ERC2: variants seen among roughly 807,000 people sequenced by gnomAD.
ERC2 encodes ELKS/RAB6-interacting/CAST family member 2, also known as ERC protein 2.
In ERC2, 42 loss-of-function variants were observed where a neutral mutation model predicts 114.8. The ratio of observed to expected loss-of-function variants is 0.37; its 90% confidence interval spans 0.29 to 0.47. The LOEUF (loss-of-function observed/expected upper bound fraction) is 0.47, where lower values mean the gene tolerates loss of function less well. ERC2 is among the 20% of genes least tolerant of loss of function. ERC2 has a pLI of 0.99. For missense variants in ERC2, 939 were observed against 1,150.7 expected (o/e 0.82, Z 2.66); for synonymous variants, 454 against 425.5 (o/e 1.07, Z -0.82).
chr3:55,582,101 T>C (rs2057291364), intron 17 of ERC2, among the ~76,000 whole-genome samples: 1 of 152,144 alleles, frequency 6.6e-6, no homozygotes, highest in Admixed American at 6.6e-5. Flanking sequence ...CTCTCACACA[T>C]TGCTCAGGTC....
intron 6 of ERC2, among the ~76,000 whole-genome samples, chr3:56,103,798 AT>A (rs2078495602): frequency 6.7e-6 from 1 of 149,534 alleles, no homozygotes; most frequent in Non-Finnish European, 1.5e-5. Context: ...CATCCAAACT[AT>A]TTTTTAAAGG....
intron 6 of ERC2, among the ~76,000 whole-genome samples, chr3:56,125,841 T>C (rs868330580): frequency 6.6e-6 from 1 of 152,228 alleles, no homozygotes; most frequent in African/African-American, 2.4e-5. Context: ...GGACATGAAG[T>C]CCCAAGGTAG....
At chr3:55,690,507 G>A (rs1244101697) in intron 16 of ERC2, among the ~76,000 whole-genome samples, 3 of 152,130 alleles carry the variant, frequency 2.0e-5, no homozygotes, top group Admixed American at 6.5e-5. Context: ...GCCAAGATGC[G>A]TTGCATCTGT....
chr3:56,443,504 A>C (rs967972612), intron 1 of ERC2, among the ~76,000 whole-genome samples: 1 of 152,194 alleles, frequency 6.6e-6, no homozygotes. Context: ...ATCAGTTGAC[A>C]ACATAAAGCA....
At chr3:55,921,798 T>G (rs1417016469) in intron 13 of ERC2, among the ~76,000 whole-genome samples, 1 of 152,110 alleles carries the variant, frequency 6.6e-6, no homozygotes, top group Non-Finnish European at 1.5e-5. Flanking sequence ...ATTGGGAACA[T>G]CAAAAAAGTA....
At chr3:55,750,692 T>G (rs1306304288) in intron 14 of ERC2, among the ~76,000 whole-genome samples, 1 of 152,236 alleles carries the variant, frequency 6.6e-6, no homozygotes, top group African/African-American at 2.4e-5. Context: ...TGCTTACTTA[T>G]GCCTGTTCCT....
intron 13 of ERC2, among the ~76,000 whole-genome samples, chr3:55,933,696 A>AGCC (rs770808123): frequency 6.6e-6 from 1 of 152,200 alleles, no homozygotes; most frequent in Non-Finnish European, 1.5e-5. Context: ...TGGCCACAGG[A>AGCC]GCCGTGCCAT....
At chr3:56,384,573 T>C (rs1363448271) in intron 2 of ERC2, among the ~76,000 whole-genome samples, 1 of 152,144 alleles carries the variant, frequency 6.6e-6, no homozygotes, top group East Asian at 1.9e-4. Flanking sequence ...TGTTGTCAAG[T>C]TATAGAAGTT....
chr3:55,530,816 C>G (rs990166688), intron 17 of ERC2, among the ~76,000 whole-genome samples: 1 of 152,154 alleles, frequency 6.6e-6, no homozygotes, highest in East Asian at 1.9e-4. Flanking sequence ...TTAAGTGTTA[C>G]GAAGCCTAAT....
intron 2 of ERC2, among the ~76,000 whole-genome samples, chr3:56,305,514 A>C (rs1202593436): frequency 7.7e-5 from 2 of 25,956 alleles, no homozygotes; most frequent in African/African-American, 1.9e-4. Flanking sequence ...TCTCTTATCC[A>C]CACACACACA....
chr3:55,614,585 G>C (rs1166081006), intron 17 of ERC2, among the ~76,000 whole-genome samples: 1 of 151,880 alleles, frequency 6.6e-6, no homozygotes, highest in Non-Finnish European at 1.5e-5. Context: ...ATTTTCCTTT[G>C]GGTGACAAAG....
chr3:55,672,201 A>C (rs939756061), intron 17 of ERC2, among the ~76,000 whole-genome samples: 2 of 151,924 alleles, frequency 1.3e-5, no homozygotes, highest in African/African-American at 4.8e-5. Context: ...CAAATAGCCA[A>C]GTATGGTGGT....
chr3:56,368,870 C>T (rs13094881), intron 2 of ERC2, among the ~76,000 whole-genome samples: 1 of 151,924 alleles, frequency 6.6e-6, no homozygotes. Flanking sequence ...AGACCTTATC[C>T]GGTACTGTTA....
chr3:55,979,586 A>C (rs1222146173), intron 12 of ERC2, among the ~76,000 whole-genome samples: 1 of 152,226 alleles, frequency 6.6e-6, no homozygotes, highest in African/African-American at 2.4e-5. Flanking sequence ...ATTATTGTAC[A>C]TACAGCTCCG....
chr3:55,888,829 G>A (rs2063480567), intron 13 of ERC2, among the ~76,000 whole-genome samples: 1 of 152,136 alleles, frequency 6.6e-6, no homozygotes, highest in Non-Finnish European at 1.5e-5. Flanking sequence ...CTCGGGTGAT[G>A]GTTGCACCAA....
At chr3:55,607,547 C>A (rs894795451) in intron 17 of ERC2, among the ~76,000 whole-genome samples, 9 of 150,582 alleles carry the variant, frequency 6.0e-5, no homozygotes, top group African/African-American at 2.0e-4. Context: ...CCAATGCCCA[C>A]AATCCAGTTG....
At chr3:56,212,790 CAT>C (rs199976351) in intron 3 of ERC2, among the ~76,000 whole-genome samples, 11,166 of 129,550 alleles carry the variant, frequency 0.086, 539 homozygotes, top group Admixed American at 0.16. Context: ...TATACATATA[CAT>C]ATACACACAC....
chr3:56,374,136 G>C (rs527955975), intron 2 of ERC2, among the ~76,000 whole-genome samples: 1 of 152,176 alleles, frequency 6.6e-6, no homozygotes, highest in African/African-American at 2.4e-5. Flanking sequence ...TCGCTCTGTC[G>C]CCGAGGCTGG....
At chr3:56,169,871 T>C (rs1013727789) in intron 4 of ERC2, among the ~76,000 whole-genome samples, 20 of 150,682 alleles carry the variant, frequency 1.3e-4, no homozygotes, top group African/African-American at 4.4e-4. Context: ...TTGGACATCA[T>C]GTTTATGTCA....
Sources: allele counts gnomAD v4.1 joint callset (sites outside exome capture counted in the v4.1 genomes callset), GRCh38; gene constraint gnomAD v4.1.1; transcripts MANE v1.5; gene names NCBI Gene and HGNC (gene_info 2026-07-23, HGNC 2026-07-21).